The following PEX5L variants were observed in gnomAD, a reference collection of about 807,000 sequenced individuals.
The protein encoded by PEX5L is PEX5-related protein.
PEX5L carries 30 observed loss-of-function variants against 84.0 expected under a neutral mutation model. That is an observed-to-expected ratio of 0.36 (90% CI 0.27 to 0.48). The LOEUF is 0.48. Ranked by LOEUF, PEX5L falls within the 20% of genes least tolerant of loss-of-function variation. The pLI is 0.99. For missense variants in PEX5L, 533 were observed against 754.6 expected (o/e 0.71, Z 3.44); for synonymous variants, 270 against 283.1 (o/e 0.95, Z 0.46).
chr3:179,883,076 G>A (rs1020288001), intron 4 of PEX5L, among the ~76,000 whole-genome samples: 34 of 152,080 alleles, frequency 2.2e-4, no homozygotes, highest in African/African-American at 8.2e-4. Context: ...TAAAAAAAAG[G>A]AGCACAAAGG....
chr3:180,000,898 G>A (rs1452399857), intron 1 of PEX5L, among the ~76,000 whole-genome samples: 2 of 152,140 alleles, frequency 1.3e-5, no homozygotes, highest in African/African-American at 4.8e-5. Flanking sequence ...GGAGATATGT[G>A]TGGGTTCAAG....
intron 8 of PEX5L, among the ~76,000 whole-genome samples, chr3:179,835,902 CAAT>C (rs1276694520): frequency 5.3e-5 from 8 of 152,066 alleles, no homozygotes; most frequent in Non-Finnish European, 1.0e-4. Flanking sequence ...TATGAGAAAA[CAAT>C]GATTTTTATT....
chr3:180,005,364 G>A (rs551675566), intron 1 of PEX5L, among the ~76,000 whole-genome samples: 1 of 152,182 alleles, frequency 6.6e-6, no homozygotes, highest in African/African-American at 2.4e-5. Context: ...GTGCTCAAGG[G>A]ATCCTCCCAC....
intron 3 of PEX5L, chr3:179,895,576 C>T (rs1384308652): frequency 3.3e-5 from 5 of 152,006 alleles, no homozygotes; most frequent in African/African-American, 1.2e-4. Flanking sequence ...GTCAGTGGTC[C>T]AGCAATTTCT....
At chr3:180,028,953 A>C (rs758996553) in intron 1 of PEX5L, among the ~76,000 whole-genome samples, 8 of 152,246 alleles carry the variant, frequency 5.3e-5, no homozygotes, top group Admixed American at 1.3e-4. Context: ...AATATAAAGA[A>C]GCTAATGCAC....
At chr3:179,904,594 A>T (rs981550336) in intron 2 of PEX5L, among the ~76,000 whole-genome samples, 2 of 152,178 alleles carry the variant, frequency 1.3e-5, no homozygotes, top group African/African-American at 4.8e-5. Flanking sequence ...CTACTGCCTT[A>T]AAAAAATCAT....
At chr3:179,882,517 G>A (rs1409096347) in intron 4 of PEX5L, among the ~76,000 whole-genome samples, 3 of 152,198 alleles carry the variant, frequency 2.0e-5, no homozygotes, top group South Asian at 2.1e-4. Flanking sequence ...CTTGGAGGTC[G>A]AATGGCCAGC....
At chr3:179,959,624 C>T (rs1201679389) in intron 2 of PEX5L, among the ~76,000 whole-genome samples, 3 of 152,022 alleles carry the variant, frequency 2.0e-5, no homozygotes, top group Non-Finnish European at 4.4e-5. Context: ...AGCATTCTAT[C>T]TTCCTCCTGA....
chr3:179,809,603 G>C lies in PEX5L; in HGVS notation c.1220C>G (p.Thr407Ser), dbSNP rs1339551082. ...GTCACAGGCATCCTGCTGATGGCCAGTGTTAGTATAACTCACAGCCAAGGC... is the reference window on the plus strand; with the variant it reads ...GTCACAGGCATCCTGCTGATGGCCACTGTTAGTATAACTCACAGCCAAGGC... ...LMALAVSYTN[T>S]GHQQDACDAL... Residue 407 changes from threonine to serine, a missense_variant, in exon 12 of 15, where the codon ACT (threonine) becomes AGT (serine). By Grantham distance (58) the Thr-to-Ser change is moderately conservative (BLOSUM62 1). Coordinates refer to ENST00000467460, the MANE Select transcript of PEX5L (RefSeq NM_016559.3). The C allele has an allele frequency of 2.5e-6, 4 of 1,613,330 alleles. No homozygotes were observed. In the Admixed American group the frequency reaches 6.7e-5, roughly 27 times the overall value.
chr3:179,965,672 A>T (rs945592581), intron 2 of PEX5L, among the ~76,000 whole-genome samples: 2 of 152,184 alleles, frequency 1.3e-5, no homozygotes, highest in East Asian at 3.8e-4. Flanking sequence ...CCTAGAGTCC[A>T]GTGATGCTTA....
At chr3:179,843,012 C>G (rs561489369) in intron 8 of PEX5L, among the ~76,000 whole-genome samples, 4 of 151,604 alleles carry the variant, frequency 2.6e-5, no homozygotes, top group Non-Finnish European at 4.4e-5. Context: ...CCCATCATGG[C>G]TTAAATTACT....
chr3:179,849,646 C>G (rs966850398), intron 8 of PEX5L, among the ~76,000 whole-genome samples: 1 of 152,184 alleles, frequency 6.6e-6, no homozygotes, highest in African/African-American at 2.4e-5. Flanking sequence ...TAGAGACTCT[C>G]TTTGAAGAGA....
intron 2 of PEX5L, among the ~76,000 whole-genome samples, chr3:179,898,662 A>G (rs943755657): frequency 1.3e-5 from 2 of 152,048 alleles, no homozygotes; most frequent in African/African-American, 4.8e-5. Flanking sequence ...GCAGGATCCA[A>G]CTCCCACAGA....
intron 1 of PEX5L, among the ~76,000 whole-genome samples, chr3:180,019,241 G>A (rs994173482): frequency 3.3e-5 from 5 of 152,236 alleles, no homozygotes; most frequent in Non-Finnish European, 5.9e-5. Flanking sequence ...AGGTCTCTGG[G>A]ATTTTATGTT....
chr3:179,892,653 C>T (rs886552289), intron 3 of PEX5L, among the ~76,000 whole-genome samples: 5 of 151,998 alleles, frequency 3.3e-5, no homozygotes, highest in African/African-American at 9.7e-5. Context: ...ATTTCTTTGC[C>T]GGTTTTAAAC....
intron 8 of PEX5L, among the ~76,000 whole-genome samples, chr3:179,840,194 T>G (rs1240761263): frequency 6.9e-6 from 1 of 144,804 alleles, no homozygotes; most frequent in Non-Finnish European, 1.5e-5. Flanking sequence ...TTTTTTTTTT[T>G]TTTTTTTTTT....
At chr3:179,847,391 G>A (rs1400400980) in intron 8 of PEX5L, among the ~76,000 whole-genome samples, 1 of 152,088 alleles carries the variant, frequency 6.6e-6, no homozygotes, top group African/African-American at 2.4e-5. Context: ...ACTGATGACT[G>A]ATCACCTGGG....
rs762942704 is a variant in PEX5L at position 179,819,880 on chromosome 3, T to G, written c.919A>C (p.Thr307Pro). ...GTTACCTTCTCACTAGCCGAGATGG[T>G]TACTTGGTTCTGGGCTTCTTGGTTC... ...SENQEAQNQV[T>P]ISASEKGYYF... The change falls in exon 9 of 15, where the codon ACC becomes CCC. Residue 307 changes from threonine (T) to proline (P), a missense_variant. Physicochemically the swap from Thr to Pro is conservative, Grantham distance 38. Transcript: ENST00000467460. 1.9e-6 allele frequency: 3 copies of G among 1,614,048 alleles called. No homozygotes were observed. In the South Asian group the frequency reaches 3.3e-5, roughly 18 times the overall value.
intron 3 of PEX5L, among the ~76,000 whole-genome samples, chr3:179,893,151 T>C (rs915498503): frequency 6.6e-6 from 1 of 152,178 alleles, no homozygotes; most frequent in Admixed American, 6.6e-5. Flanking sequence ...ACTTGAATTA[T>C]GACTTACTCA....
Sources: allele counts gnomAD v4.1 joint callset (sites outside exome capture counted in the v4.1 genomes callset), GRCh38; gene constraint gnomAD v4.1.1; transcripts MANE v1.5; gene names NCBI Gene and HGNC (gene_info 2026-07-23, HGNC 2026-07-21).